RHPN2: variants seen among roughly 807,000 people sequenced by gnomAD.
RHPN2 encodes the protein rhophilin-2.
In RHPN2, 40 loss-of-function variants were observed where a neutral mutation model predicts 79.0. The ratio of observed to expected loss-of-function variants is 0.51; its 90% CI spans 0.39 to 0.66. The LOEUF is 0.66. RHPN2 is among the 30% of genes least tolerant of loss of function. The pLI, the probability that RHPN2 is intolerant of heterozygous loss-of-function variation, is 0.00. For synonymous variants in RHPN2, 285 were observed against 363.5 expected (o/e 0.78, Z 2.46); for missense variants, 686 against 883.5 (o/e 0.78, Z 2.83).
chr19:33,060,090 G>A (rs896345129), intron 1 of RHPN2, among the ~76,000 whole-genome samples: 1 of 152,200 alleles, frequency 6.6e-6, no homozygotes, highest in Non-Finnish European at 1.5e-5. Flanking sequence ...ACTAGCCTCC[G>A]CGTTCACCCG....
intron 3 of RHPN2, among the ~76,000 whole-genome samples, chr19:33,023,452 AG>A (rs1971940949): frequency 6.8e-6 from 1 of 147,172 alleles, no homozygotes. Flanking sequence ...AAAAAAAAAA[AG>A]AAAAAAAAAA....
At chr19:33,057,177 T>C (rs1487239887) in intron 1 of RHPN2, among the ~76,000 whole-genome samples, 2 of 145,852 alleles carry the variant, frequency 1.4e-5, no homozygotes, top group South Asian at 2.1e-4. Flanking sequence ...AGACCGTCTC[T>C]ACAAAAAATT....
At chr19:33,058,006 A>C (rs1972248174) in intron 1 of RHPN2, among the ~76,000 whole-genome samples, 1 of 152,094 alleles carries the variant, frequency 6.6e-6, no homozygotes, top group Non-Finnish European at 1.5e-5. Context: ...CTAAAAATAC[A>C]AAAATTAGCT....
intron 14 of RHPN2, among the ~76,000 whole-genome samples, chr19:32,988,554 G>T (rs1435289043): frequency 6.8e-6 from 1 of 146,796 alleles, no homozygotes; most frequent in Non-Finnish European, 1.5e-5. Context: ...CTTCCAAGTG[G>T]CTTCCAAGCT....
intron 5 of RHPN2, 122 bp downstream of exon 5, chr19:33,012,525 C>T: frequency 1.3e-6 from 1 of 769,358 alleles, no homozygotes; most frequent in Non-Finnish European, 2.4e-6. Flanking sequence ...ATGATTCCAG[C>T]ACCCCCCAAC....
rs1480005784 is a variant in RHPN2 at position 33,013,197 on chromosome 19, AAAAACAAAAAAC to A, written c.391-485_391-474del. ...GGCCATAGTTTTTTTTTAAAAAAACAAAAACAAAAAACAAAAAACAGAGTTTCACTCCTGTTG... is the reference window on the plus strand; with the variant it reads ...GGCCATAGTTTTTTTTTAAAAAAACAAAAAAACAGAGTTTCACTCCTGTTG... On this transcript the variant is annotated intron_variant, in intron 4 of 14. Coordinates refer to ENST00000254260, the MANE Select transcript of RHPN2 (RefSeq NM_033103.5). 3.5e-3 allele frequency among the ~76,000 whole-genome samples: 275 copies of A among 79,306 alleles called. 2 individuals are homozygous for A. The highest frequency in any genetic ancestry group is 0.01 in the African/African-American group (155 of 15,234). The allele number at this position is 79,306 out of a possible 152,430, so 52.0% of individuals were successfully genotyped here.
chr19:32,991,932 G>A lies in RHPN2; in HGVS notation c.1535C>T (p.Thr512Met), dbSNP rs767297253. Residue 512 changes from threonine (T) to methionine (M), a missense_variant, in exon 13 of 15, where the codon ACG becomes ATG. Thr to Met is a moderately conservative substitution (Grantham distance 81). Coordinates refer to ENST00000254260, the MANE Select transcript of RHPN2 (RefSeq NM_033103.5). Reference sequence around the variant, plus strand: ...AGTGAAGCGGATGCTTCGAGGAGGCGTCCACCGCTTGTTAGCCGAAAACAC... The same window carrying A: ...AGTGAAGCGGATGCTTCGAGGAGGCATCCACCGCTTGTTAGCCGAAAACAC... ...LSVFSANKRW[T>M]PPRSIRFTAE... The A allele has an allele frequency of 2.5e-5, 40 of 1,613,836 alleles. No homozygotes were observed. Among genetic ancestry groups the A allele is most frequent in the South Asian group, 5.5e-5 (5 of 91,084 alleles).
At chr19:33,048,724 T>TAAAAAAA (rs1824354572) in intron 1 of RHPN2, among the ~76,000 whole-genome samples, 2 of 30,720 alleles carry the variant, frequency 6.5e-5, no homozygotes, top group African/African-American at 8.4e-4. Flanking sequence ...AGACTCAGTC[T>TAAAAAAA]CAAAAAAAAA....
Position 32,991,811 on chromosome 19 carries a change from G to C in RHPN2, c.1644+12C>G. On this transcript the variant is annotated intron_variant, in intron 13 of 14. Coordinates refer to ENST00000254260, the MANE Select transcript of RHPN2 (RefSeq NM_033103.5). Reference sequence around the variant, plus strand: ...CTGTGTTTGCTGCCAATCAAGAAAAGCATGTGCTTACCGAGGCAGAGCAGT... The same window carrying C: ...CTGTGTTTGCTGCCAATCAAGAAAACCATGTGCTTACCGAGGCAGAGCAGT... 1.9e-6 allele frequency: 3 copies of C among 1,613,924 alleles called. No homozygotes were observed. Among genetic ancestry groups the C allele is most frequent in the Middle Eastern group, 1.7e-4 (1 of 6,048 alleles).
At chr19:33,055,525 T>G (rs529459824) in intron 1 of RHPN2, among the ~76,000 whole-genome samples, 1 of 151,946 alleles carries the variant, frequency 6.6e-6, no homozygotes, top group Non-Finnish European at 1.5e-5. Flanking sequence ...TCAGTACCAA[T>G]AGAGCTGGAG....
At chr19:33,043,990 C>T (rs559275452) in intron 2 of RHPN2, among the ~76,000 whole-genome samples, 101 of 152,278 alleles carry the variant, frequency 6.6e-4, no homozygotes, top group African/African-American at 2.3e-3. Context: ...AATTGGGCTT[C>T]CCATCAAGAT....
intron 5 of RHPN2, among the ~76,000 whole-genome samples, chr19:33,012,343 A>C (rs1243544003): frequency 1.3e-5 from 2 of 151,612 alleles, no homozygotes; most frequent in Non-Finnish European, 2.9e-5. Context: ...CGCCCAGCTA[A>C]TTTTTGTATT....
intron 14 of RHPN2, among the ~76,000 whole-genome samples, chr19:32,988,643 G>A (rs1599806593): frequency 1.3e-5 from 1 of 77,576 alleles, no homozygotes; most frequent in Admixed American, 1.2e-4. Context: ...TTGCCAAAAG[G>A]CCTTCTTTTT....
At chr19:33,057,693 T>C (rs1050103568) in intron 1 of RHPN2, among the ~76,000 whole-genome samples, 1 of 104,428 alleles carries the variant, frequency 9.6e-6, no homozygotes, top group Non-Finnish European at 1.7e-5. Flanking sequence ...AAAAAAAAGA[T>C]AGAAAAAAAA....
intron 2 of RHPN2, among the ~76,000 whole-genome samples, chr19:33,036,910 C>A (rs2145257744): frequency 6.6e-6 from 1 of 150,944 alleles, no homozygotes; most frequent in Non-Finnish European, 1.5e-5. Context: ...GTAGCCCGAG[C>A]CTCCCCGACG....
At chr19:33,026,441 AC>A in intron 3 of RHPN2, 62 bp downstream of exon 3, 1 of 1,590,830 alleles carries the variant, frequency 6.3e-7, no homozygotes. Flanking sequence ...TTTGTGCAGC[AC>A]CCTGGATGTA....
chr19:33,037,092 T>A (rs1449629558), intron 2 of RHPN2, among the ~76,000 whole-genome samples: 6 of 152,176 alleles, frequency 3.9e-5, no homozygotes, highest in Non-Finnish European at 8.8e-5. Flanking sequence ...TGGAGAACCT[T>A]TATGTCTAGC....
chr19:33,030,372 C>T (rs1363140966), intron 2 of RHPN2, among the ~76,000 whole-genome samples: 1 of 152,154 alleles, frequency 6.6e-6, no homozygotes, highest in African/African-American at 2.4e-5. Flanking sequence ...GCACGCGGAT[C>T]ACTTGAGGCC....
chr19:33,059,073 G>A (rs1972257726), intron 1 of RHPN2, among the ~76,000 whole-genome samples: 2 of 151,784 alleles, frequency 1.3e-5, no homozygotes, highest in South Asian at 2.1e-4. Context: ...CCAGCCTGGG[G>A]GACAGAGCAA....
Sources: gnomAD v4.1 joint callset for allele counts (sites outside exome capture counted in the v4.1 genomes callset) on GRCh38, gnomAD v4.1.1 for gene constraint, MANE v1.5 for transcripts, NCBI Gene and HGNC (gene_info 2026-07-23, HGNC 2026-07-21) for gene names.